ZNF583: variants seen among roughly 807,000 people sequenced by gnomAD.
The protein encoded by ZNF583 is zinc finger protein L3-5.
In ZNF583, 30 loss-of-function variants were observed where a neutral mutation model predicts 55.3. The observed-to-expected ratio is 0.54, with a 90% confidence interval of 0.41 to 0.74. ZNF583 has a LOEUF of 0.74. Among genes scored for constraint, ZNF583 ranks in the 30% least tolerant of loss-of-function variants. The probability of loss-of-function intolerance (pLI) is 0.00; values close to 1 mark genes in which losing one functional copy is unlikely to be tolerated. For synonymous variants in ZNF583, 208 were observed against 220.0 expected (o/e 0.95, Z 0.48); for missense variants, 504 against 664.7 (o/e 0.76, Z 2.66).
Position 56,423,294 on chromosome 19 carries a change from G to A in ZNF583, c.636G>A (p.Leu212=). The change falls in exon 5 of 5, where the codon TTG becomes TTA. Residue 212 remains leucine, a synonymous_variant. Coordinates refer to ENST00000333201, the MANE Select transcript of ZNF583 (RefSeq NM_152478.3). ...HRKVYVEKKL[L]KCNDCEKVFN... ...AAGTCTATGTAGAAAAGAAACTTTTGAAATGTAATGATTGTGAGAAAGTCT... is the reference window on the plus strand; with the variant it reads ...AAGTCTATGTAGAAAAGAAACTTTTAAAATGTAATGATTGTGAGAAAGTCT... 1 of 1,608,774 alleles carries A rather than the reference G, an allele frequency of 6.2e-7. No homozygotes were observed. The highest frequency in any genetic ancestry group is 8.5e-7 in the Non-Finnish European group (1 of 1,178,664).
chr19:56,406,208 G>A (rs933897595), intron 1 of ZNF583, among the ~76,000 whole-genome samples: 11 of 152,176 alleles, frequency 7.2e-5, no homozygotes, highest in African/African-American at 2.7e-4. Context: ...CACACTACAT[G>A]GACCCTCTGA....
At chr19:56,418,609 T>A (rs1349513074) in intron 4 of ZNF583, among the ~76,000 whole-genome samples, 1 of 152,206 alleles carries the variant, frequency 6.6e-6, no homozygotes, top group African/African-American at 2.4e-5. Context: ...TATATTAGCT[T>A]TACATCTTAT....
intron 1 of ZNF583, among the ~76,000 whole-genome samples, chr19:56,405,365 T>C (rs1285334165): frequency 3.9e-5 from 6 of 152,034 alleles, no homozygotes; most frequent in Admixed American, 3.9e-4. Flanking sequence ...CGGGCTACAA[T>C]GTGGGGGCAT....
In ZNF583 at chr19:56,424,299, C is replaced by G. The variant is rs200260661; in HGVS notation, c.1641C>G (p.Phe547Leu). The change falls in exon 5 of 5, where the codon TTC becomes TTG. Residue 547 changes from phenylalanine (F) to leucine (L), a missense_variant. This residue lies in a region of ZNF583 where 63 missense variants were observed against 56.5 expected (regional missense o/e 1.11). Transcript: ENST00000333201. ...AGAGAATTCATACTATGGAGTCATT[C>G]TTGACTCTTTCCTCTCCCTCACCCT... ...HHERIHTMES[F>L]LTLSSPSPST... The G allele has an allele frequency of 6.2e-7, 1 of 1,611,310 alleles. No individual in the cohort carries two copies. Among genetic ancestry groups the G allele is most frequent in the African/African-American group, 1.3e-5 (1 of 74,982 alleles).
chr19:56,414,586 A>T, intron 4 of ZNF583, 146 bp downstream of exon 4: 1 of 646,690 alleles, frequency 1.5e-6, no homozygotes, highest in South Asian at 2.0e-5. Context: ...CATCTTTAGT[A>T]TGAGCTCCTC....
Position 56,422,876 on chromosome 19 carries a change from C to T in ZNF583, c.233-15C>T. 1.3e-6 allele frequency: 2 copies of T among 1,539,762 alleles called. No homozygotes were observed. The highest frequency in any genetic ancestry group is 1.7e-6 in the Non-Finnish European group (2 of 1,146,436). On this transcript the variant is annotated splice_polypyrimidine_tract_variant and intron_variant, in intron 4 of 4. Coordinates refer to ENST00000333201, the MANE Select transcript of ZNF583 (RefSeq NM_152478.3). ...AATTAAATACAAAAGTCATTTGTTT[C>T]TTGATATCTTTTAGATTGGGAGTAT...
intron 1 of ZNF583, among the ~76,000 whole-genome samples, chr19:56,406,459 C>G (rs760708916): frequency 6.0e-5 from 9 of 151,182 alleles, no homozygotes; most frequent in Admixed American, 1.3e-4. Context: ...TAATACCATT[C>G]TGTAATTGCT....
chr19:56,406,122 G>A (rs2042143683), intron 1 of ZNF583, among the ~76,000 whole-genome samples: 2 of 152,196 alleles, frequency 1.3e-5, no homozygotes, highest in Non-Finnish European at 2.9e-5. Flanking sequence ...AAAGTCAAGA[G>A]ATTAGTTTTC....
intron 2 of ZNF583, among the ~76,000 whole-genome samples, chr19:56,408,786 G>A (rs2042194567): frequency 6.6e-6 from 1 of 152,176 alleles, no homozygotes; most frequent in Non-Finnish European, 1.5e-5. Context: ...AACCTTCATT[G>A]CCTTCCTATC....
intron 3 of ZNF583, 125 bp downstream of exon 3, chr19:56,414,210 T>C: frequency 6.6e-7 from 1 of 1,513,230 alleles, no homozygotes; most frequent in South Asian, 1.2e-5. Flanking sequence ...AGGTTGAATT[T>C]GTAGAATTGG....
At chr19:56,404,218 C>G (rs901089849), upstream of ZNF583, 3 of 152,618 alleles carry the variant, frequency 2.0e-5, no homozygotes, top group African/African-American at 7.2e-5. This position sits in a 1 kb window ranked among gnomAD's most constrained non-coding sequence, Gnocchi z 5.2. Flanking sequence ...AGTAACTACC[C>G]GCAACTGAGC....
chr19:56,420,642 T>G (rs190937930), intron 4 of ZNF583, among the ~76,000 whole-genome samples: 39 of 152,328 alleles, frequency 2.6e-4, no homozygotes, highest in Middle Eastern at 3.4e-3. Context: ...TTGATCCTTT[T>G]ATTACTATAC....
chr19:56,413,650 AATAAC>A (rs931829886), intron 2 of ZNF583, among the ~76,000 whole-genome samples: 31 of 152,304 alleles, frequency 2.0e-4, no homozygotes, highest in African/African-American at 7.0e-4. Flanking sequence ...ATTTAGTATG[AATAAC>A]ATATTTTATA....
chr19:56,423,402 G>A lies in ZNF583; in HGVS notation c.744G>A (p.Thr248=), dbSNP rs747472007. The A allele has an allele frequency of 1.2e-5, 20 of 1,613,528 alleles. No homozygotes were observed. Among genetic ancestry groups the A allele is most frequent in the East Asian group, 2.2e-5 (1 of 44,836 alleles). ...KPYACVECGK[T]FSQSANLAQH... is the part of the protein sequence containing the mutation. ...ATGCATGTGTTGAATGTGGGAAAAC[G>A]TTCAGCCAGAGTGCAAACTTGGCGC... The change falls in exon 5 of 5, where the codon ACG becomes ACA. Residue 248 remains threonine (T), a synonymous_variant. Coordinates refer to ENST00000333201, the MANE Select transcript of ZNF583 (RefSeq NM_152478.3).
chr19:56,419,636 T>A (rs1206568014), intron 4 of ZNF583, among the ~76,000 whole-genome samples: 1 of 152,212 alleles, frequency 6.6e-6, no homozygotes, highest in Non-Finnish European at 1.5e-5. Context: ...CTTTAAATAT[T>A]TGATAGAATT....
rs983314565 is a variant in ZNF583 at position 56,424,692 on chromosome 19, A to T, written c.*324A>T. 1 of 219,376 alleles carries T rather than the reference A, an allele frequency of 4.6e-6. No homozygotes were observed. Among genetic ancestry groups the T allele is most frequent in the Non-Finnish European group, 9.1e-6 (1 of 109,638 alleles). The allele number at this position is 219,376 out of a possible 1,614,324, so 13.6% of individuals were successfully genotyped here. On this transcript the variant is annotated 3_prime_UTR_variant, in exon 5 of 5. Coordinates refer to ENST00000333201, the MANE Select transcript of ZNF583 (RefSeq NM_152478.3). Reference sequence around the variant, plus strand: ...AAGTTTCTATCTTGTGTCACTATCCATCTCATTCTCTGAATACTTATCCAG... The same window carrying T: ...AAGTTTCTATCTTGTGTCACTATCCTTCTCATTCTCTGAATACTTATCCAG...
intron 4 of ZNF583, among the ~76,000 whole-genome samples, chr19:56,417,446 A>C (rs1208104119): frequency 6.6e-6 from 1 of 152,178 alleles, no homozygotes; most frequent in African/African-American, 2.4e-5. Flanking sequence ...CTCTTTTCAT[A>C]TGTTTACTGG....
At position 56,423,223 on chromosome 19, in the gene ZNF583, C is replaced by A. The variant is rs751020386; in HGVS notation, c.565C>A (p.Gln189Lys). 6.2e-7 allele frequency: 1 copy of A among 1,612,596 alleles called. No individual in the cohort carries two copies. Among genetic ancestry groups the A allele is most frequent in the Non-Finnish European group, 8.5e-7 (1 of 1,179,800 alleles). Reference protein sequence around the residue: ...TKEKAHKHEPQKKSYRKKSVE... With the variant: ...TKEKAHKHEPKKKSYRKKSVE... Reference sequence around the variant, plus strand: ...AGAAAAAGCACATAAGCATGAACCACAAAAGAAAAGTTACCGAAAAAAATC... The same window carrying A: ...AGAAAAAGCACATAAGCATGAACCAAAAAAGAAAAGTTACCGAAAAAAATC... The change falls in exon 5 of 5, where the codon CAA becomes AAA. Residue 189 changes from glutamine (Q) to lysine (K), a missense_variant. Physicochemically the swap from Gln to Lys is moderately conservative, Grantham distance 53. Transcript: ENST00000333201.
At chr19:56,421,365 T>C in intron 4 of ZNF583, 1 of 593,836 alleles carries the variant, frequency 1.7e-6, no homozygotes, top group Non-Finnish European at 2.1e-6. Context: ...TCCTTGGCAG[T>C]CATTTCATAT....
Sources: allele counts gnomAD v4.1 joint callset (sites outside exome capture counted in the v4.1 genomes callset), GRCh38; gene constraint gnomAD v4.1.1; regional missense constraint gnomAD v4.1.1; non-coding constraint Gnocchi (gnomAD v3.1); transcripts MANE v1.5; gene names NCBI Gene and HGNC (gene_info 2026-07-23, HGNC 2026-07-21).